CUX1: variants seen among roughly 807,000 people sequenced by gnomAD.
The protein encoded by CUX1 is protein CASP.
Under a neutral mutation model 158.8 loss-of-function variants are expected in CUX1, and 31 were observed. That is an observed-to-expected ratio of 0.20 (90% CI 0.15 to 0.26). CUX1 has a LOEUF of 0.26. Among genes scored for constraint, CUX1 ranks in the 10% least tolerant of loss-of-function variants. The pLI is 1.00. For synonymous variants in CUX1, 879 were observed against 862.1 expected, an observed-to-expected ratio of 1.02 and a Z score of -0.34; for missense variants, 1,589 against 2,014.6, an observed-to-expected ratio of 0.79 and a Z score of 4.04.
At position 102,239,482 on chromosome 7, in the gene CUX1, C is replaced by A. The variant is rs1799934802; in HGVS notation, c.3785C>A (p.Ala1262Glu). ...APEEKEALKR[A>E]YQQKPYPSPK... is the part of the protein sequence containing the mutation. The stretch of plus-strand genomic sequence containing the variant: ...GAGGAGAAGGAGGCGCTGAAACGAG[C>A]GTATCAGCAAAAGCCATACCCGTCA... Residue 1262 changes from alanine (A) to glutamate (E), a missense_variant, in exon 23 of 24, where the codon GCG (alanine) becomes GAG (glutamate). Coordinates refer to ENST00000292535, the MANE Select transcript of CUX1 (RefSeq NM_181552.4). The A allele has an allele frequency of 6.2e-7, 1 of 1,613,990 alleles. No individual in the cohort carries two copies. The highest frequency in any genetic ancestry group is 1.3e-5 in the African/African-American group (1 of 74,926).
intron 2 of CUX1, among the ~76,000 whole-genome samples, chr7:101,931,731 T>A (rs1563025747): frequency 6.6e-6 from 1 of 152,136 alleles, no homozygotes; most frequent in Non-Finnish European, 1.5e-5. Flanking sequence ...GTCTGACTGA[T>A]TTTTGTATTT....
At chr7:101,971,921 C>G (rs1263315298) in intron 2 of CUX1, among the ~76,000 whole-genome samples, 1 of 152,204 alleles carries the variant, frequency 6.6e-6, no homozygotes, top group Non-Finnish European at 1.5e-5. Flanking sequence ...AGAGGAACTT[C>G]TGTCTGGATT....
rs1223238730 is a variant in CUX1 at position 101,914,367 on chromosome 7, CTTCCCTCCCTCCCTCCCTCCCTCCCTCT to C, written c.31-1728_31-1701del. ...TCCTTCCTTCTTCCTTCCTTCCTTC[CTTCCCTCCCTCCCTCCCTCCCTCCCTCT>C]TTCCCTCCCTCCCTCCCTCTTTCCC... On this transcript the variant is annotated intron_variant, in intron 1 of 23. Coordinates refer to ENST00000292535, the MANE Select transcript of CUX1 (RefSeq NM_181552.4). Among the ~76,000 whole-genome samples, 17 of 137,662 alleles carry C rather than the reference CTTCCCTCCCTCCCTCCCTCCCTCCCTCT, an allele frequency of 1.2e-4. No homozygotes were observed. In the East Asian group the frequency reaches 3.0e-3, roughly 25 times the overall value. The allele number at this position is 137,662 out of a possible 152,430, so 90.3% of individuals were successfully genotyped here. A position where few individuals can be genotyped will look rare whatever the true frequency, so the allele number is the denominator to read the frequency against.
chr7:101,833,534 GAC>G (rs1320271008), intron 1 of CUX1, among the ~76,000 whole-genome samples: 2 of 128,776 alleles, frequency 1.6e-5, no homozygotes, highest in South Asian at 2.5e-4. Context: ...CAGCCTGGGT[GAC>G]AGAGCAAGAG....
chr7:102,193,962 A>G, intron 13 of CUX1, 72 bp downstream of exon 13: 1 of 1,416,160 alleles, frequency 7.1e-7, no homozygotes, highest in Non-Finnish European at 1.0e-6. Context: ...CCTCCGGCAT[A>G]TCCCATGATC....
At chr7:102,131,733 CG>C (rs1248384716) in intron 8 of CUX1, among the ~76,000 whole-genome samples, 11 of 150,288 alleles carry the variant, frequency 7.3e-5, no homozygotes, top group Non-Finnish European at 1.5e-4. Context: ...AGTGCAGTGG[CG>C]TGATCTTGGC....
intron 3 of CUX1, among the ~76,000 whole-genome samples, chr7:102,032,016 C>T (rs1024261034): frequency 6.6e-6 from 1 of 151,528 alleles, no homozygotes; most frequent in Non-Finnish European, 1.5e-5. Flanking sequence ...ACCTCTGCCT[C>T]CCTGGCTCAA....
intron 1 of CUX1, among the ~76,000 whole-genome samples, chr7:101,849,487 A>C (rs1371557912): frequency 6.6e-6 from 1 of 152,040 alleles, no homozygotes; most frequent in Non-Finnish European, 1.5e-5. Flanking sequence ...AGCTCCATCC[A>C]TGTCCCTGCA....
At chr7:102,276,340 T>C (rs1034959618) in intron 17 of CUX1, among the ~76,000 whole-genome samples, 19 of 152,206 alleles carry the variant, frequency 1.2e-4, no homozygotes, top group Admixed American at 5.9e-4. Context: ...CCCGCTCTCT[T>C]GCCCAGGCTG....
At chr7:102,079,272 T>C (rs1827100446) in intron 4 of CUX1, among the ~76,000 whole-genome samples, 1 of 152,052 alleles carries the variant, frequency 6.6e-6, no homozygotes, top group Non-Finnish European at 1.5e-5. Context: ...ACCCCGTCTC[T>C]ACTAAAAATA....
At position 102,256,258 on chromosome 7, in the gene CUX1, A is replaced by G. The variant is rs1356714835; in HGVS notation, c.*7216A>G. 1.0e-6 allele frequency: 1 copy of G among 985,410 alleles called. No individual in the cohort carries two copies. Among genetic ancestry groups the G allele is most frequent in the Non-Finnish European group, 1.2e-6 (1 of 829,932 alleles). The allele number at this position is 985,410 out of a possible 1,614,324, so 61.0% of individuals were successfully genotyped here. ...AATCTTGTCTTGTTGAAATGGACTG[A>G]CTGCTACTGACCTGCCGGCGTGCGT... On this transcript the variant is annotated 3_prime_UTR_variant, in exon 24 of 24. Coordinates refer to ENST00000292535, the MANE Select transcript of CUX1 (RefSeq NM_181552.4).
chr7:101,836,343 G>A (rs1182265800), intron 1 of CUX1, among the ~76,000 whole-genome samples: 4 of 152,144 alleles, frequency 2.6e-5, no homozygotes, highest in African/African-American at 9.7e-5. Flanking sequence ...TTTGTGCTCA[G>A]GCAGGTGGAT....
At chr7:101,991,610 T>G (rs1815141574) in intron 2 of CUX1, among the ~76,000 whole-genome samples, 1 of 151,986 alleles carries the variant, frequency 6.6e-6, no homozygotes, top group African/African-American at 2.4e-5. Flanking sequence ...AATACCAAAA[T>G]TAGCTGGACG....
rs763872577 is a variant in CUX1, at chr7:101,877,774, GTGTGTGTGTGTGT to G, written c.31-38340_31-38328del. Among the ~76,000 whole-genome samples the G allele has an allele frequency of 7.6e-3, 805 of 105,336 alleles. 12 individuals are homozygous for G. The highest frequency in any genetic ancestry group is 0.028 in the African/African-American group (752 of 27,056). 69.1% of individuals were successfully genotyped at this position (105,336 alleles called of 152,430 possible). ...CCTCCAATTGTGTGTGTGTGTGTGT[GTGTGTGTGTGTGT>G]GTGTGTGTGTGTGTGTTTATTAAAG... On this transcript the variant is annotated intron_variant, in intron 1 of 23. Coordinates refer to ENST00000292535, the MANE Select transcript of CUX1 (RefSeq NM_181552.4).
intron 1 of CUX1, among the ~76,000 whole-genome samples, chr7:101,857,674 A>G (rs1010698985): frequency 6.6e-6 from 1 of 152,224 alleles, no homozygotes; most frequent in African/African-American, 2.4e-5. Flanking sequence ...CCAGGCCGTC[A>G]CCCCTCTAGG....
At position 102,178,614 on chromosome 7, in the gene CUX1, C is replaced by T; in HGVS notation, c.974C>T (p.Ser325Leu). ...CGGGAGAATTCGGCCAGCCAGATCT[C>T]ACAGCTTGAGCAGCAGCTGAGCGCC... ...KLRENSASQI[S>L]QLEQQLSAKN... Residue 325 changes from serine to leucine, a missense_variant, in exon 11 of 24, where the codon TCA becomes TTA. Around this residue, in one of 8 missense-constraint regions of CUX1, gnomAD observed 515 missense variants for 574.4 expected, o/e 0.90. Coordinates refer to ENST00000292535, the MANE Select transcript of CUX1 (RefSeq NM_181552.4). The T allele has an allele frequency of 1.2e-6, 2 of 1,611,552 alleles. No individual in the cohort carries two copies. The highest frequency in any genetic ancestry group is 8.5e-7 in the Non-Finnish European group (1 of 1,178,852).
chr7:102,140,275 C>A (rs782785483), intron 8 of CUX1, among the ~76,000 whole-genome samples: 39 of 152,068 alleles, frequency 2.6e-4, no homozygotes, highest in Non-Finnish European at 5.0e-4. Context: ...GAGACAGAGT[C>A]TTGCTCTGTC....
At chr7:102,053,140 C>T (rs1051135746) in intron 3 of CUX1, among the ~76,000 whole-genome samples, 9 of 152,046 alleles carry the variant, frequency 5.9e-5, no homozygotes, top group Admixed American at 4.6e-4. Context: ...GCTAGTCATC[C>T]CAGTGGATGT....
Position 101,916,028 on chromosome 7 carries a change from C to T in CUX1, c.31-87C>T, listed in dbSNP as rs1584970080. The stretch of plus-strand genomic sequence containing the variant: ...CTTAGAGCCACTGGGGTCTCTCCCC[C>T]AGTGTTCTGGTCAAATGCAAATAGG... On this transcript the variant is annotated intron_variant, in intron 1 of 23. Coordinates refer to ENST00000292535, the MANE Select transcript of CUX1 (RefSeq NM_181552.4). The surrounding 1 kb of genome is among the most constrained non-coding windows in gnomAD (Gnocchi z 4.4). 7 of 908,878 alleles carry T rather than the reference C, an allele frequency of 7.7e-6. No homozygotes were observed. In the East Asian group the frequency reaches 1.7e-4, roughly 23 times the overall value. 56.3% of individuals were successfully genotyped at this position (908,878 alleles called of 1,614,324 possible).
Sources: gnomAD v4.1 joint callset for allele counts (sites outside exome capture counted in the v4.1 genomes callset) on GRCh38, gnomAD v4.1.1 for gene constraint, gnomAD v4.1.1 regional missense constraint, Gnocchi (gnomAD v3.1) non-coding constraint, MANE v1.5 for transcripts, NCBI Gene and HGNC (gene_info 2026-07-23, HGNC 2026-07-21) for gene names.